Variants in OTOGL observed in about 807,000 individuals in gnomAD.
OTOGL encodes otogelin-like protein.
A neutral mutation model predicts 318.5 loss-of-function variants in OTOGL; 285 were observed. That is an observed-to-expected ratio of 0.89 (90% CI 0.81 to 0.99). The LOEUF is 0.99. Ranked by LOEUF, OTOGL falls within the 50% of genes least tolerant of loss-of-function variation. The probability of loss-of-function intolerance (pLI) is 0.00; values close to 1 mark genes in which losing one functional copy is unlikely to be tolerated. For synonymous variants in OTOGL, 987 were observed against 936.5 expected, an observed-to-expected ratio of 1.05 and a Z score of -0.99; for missense variants, 2,899 against 2,845.6, an observed-to-expected ratio of 1.02 and a Z score of -0.43.
At chr12:80,367,880 A>G (rs1290775053) in intron 54 of OTOGL, 141 bp downstream of exon 54, 1 of 635,704 alleles carries the variant, frequency 1.6e-6, no homozygotes, top group East Asian at 3.1e-5. Context: ...TTTGTAATAT[A>G]TCAATAAAAC....
chr12:80,193,617 C>G (rs1370159709), intron 1 of OTOGL, among the ~76,000 whole-genome samples: 3 of 152,040 alleles, frequency 2.0e-5, no homozygotes, highest in African/African-American at 7.2e-5. Flanking sequence ...GTAACTTATC[C>G]TCATATATGC....
chr12:80,275,285 A>T (rs1367040812), intron 24 of OTOGL, among the ~76,000 whole-genome samples: 1 of 151,966 alleles, frequency 6.6e-6, no homozygotes, highest in Non-Finnish European at 1.5e-5. Flanking sequence ...AGTTTATTCT[A>T]ACCCTCACGG....
intron 26 of OTOGL, among the ~76,000 whole-genome samples, chr12:80,290,147 G>T (rs1010355239): frequency 3.3e-5 from 5 of 152,302 alleles, no homozygotes; most frequent in Middle Eastern, 6.8e-3. Flanking sequence ...GGTTTCCCTG[G>T]TTCCCTGGCC....
chr12:80,354,999 A>T (rs928586727), intron 46 of OTOGL, among the ~76,000 whole-genome samples: 1 of 152,094 alleles, frequency 6.6e-6, no homozygotes, highest in South Asian at 2.1e-4. Flanking sequence ...TGAGGTAGGG[A>T]CTACCTTGTT....
At chr12:80,249,197 G>A (rs1474694390) in intron 11 of OTOGL, among the ~76,000 whole-genome samples, 6 of 148,232 alleles carry the variant, frequency 4.0e-5, no homozygotes, top group South Asian at 2.1e-4. Flanking sequence ...GCTTTGTTCC[G>A]TTGCTGGTGA....
intron 44 of OTOGL, among the ~76,000 whole-genome samples, chr12:80,349,632 G>T (rs954923492): frequency 8.6e-5 from 13 of 151,994 alleles, no homozygotes; most frequent in African/African-American, 2.9e-4. Context: ...GATCGCGGAG[G>T]GTTTAGAATA....
Position 80,228,524 on chromosome 12 carries a change from C to A in OTOGL, c.490-733C>A, listed in dbSNP as rs575715859. 9.9e-5 allele frequency among the ~76,000 whole-genome samples: 15 copies of A among 152,210 alleles called. No homozygotes were observed. In the South Asian group the frequency reaches 3.1e-3, roughly 32 times the overall value. On this transcript the variant is annotated intron_variant, in intron 7 of 58. Coordinates refer to ENST00000547103, the MANE Select transcript of OTOGL (RefSeq NM_001378609.3). ...AAACAAAAAACCCGTATATTATTGA[C>A]AATTTTAAAAGTCACTTTTAGGCTT...
At chr12:80,254,431 T>A in intron 14 of OTOGL, 93 bp from the exon 15 acceptor site, 1 of 797,702 alleles carries the variant, frequency 1.3e-6, no homozygotes, top group Non-Finnish European at 2.0e-6. Flanking sequence ...CCTATAAACA[T>A]GATATATTTT....
rs1884933310 is a variant in OTOGL at position 80,290,070 on chromosome 12, CATGA to C, written c.2929-6756_2929-6753del. On this transcript the variant is annotated intron_variant, in intron 26 of 58. Coordinates refer to ENST00000547103, the MANE Select transcript of OTOGL (RefSeq NM_001378609.3). ...CTCCTGGTTTGTGGGTTGCAAAAAC[CATGA>C]GAAAATCGTAGTATCTGGGCTGGAT... Among the ~76,000 whole-genome samples the C allele has an allele frequency of 2.0e-5, 3 of 152,288 alleles. No homozygotes were observed. The East Asian group carries it at 5.8e-4, about 29-fold the overall frequency.
chr12:80,226,177 A>AACACACACACACACACACAC (rs35975748), intron 7 of OTOGL, among the ~76,000 whole-genome samples: 10 of 132,896 alleles, frequency 7.5e-5, no homozygotes, highest in Admixed American at 1.5e-4. Flanking sequence ...TCCTGCTCCT[A>AACACACACACACACACACAC]ACACACACAC....
chr12:80,152,865 TG>T (rs1393275567), intron 1 of OTOGL, among the ~76,000 whole-genome samples: 2 of 152,094 alleles, frequency 1.3e-5, no homozygotes, highest in African/African-American at 2.4e-5. Flanking sequence ...GGCTAATTTT[TG>T]TATTTTTAGT....
chr12:80,310,808 C>G, intron 30 of OTOGL, 81 bp downstream of exon 30: 1 of 1,098,554 alleles, frequency 9.1e-7, no homozygotes, highest in Middle Eastern at 2.0e-4. Context: ...CGACACGTAA[C>G]TGGGTGATCC....
intron 1 of OTOGL, among the ~76,000 whole-genome samples, chr12:80,167,997 T>C (rs905109571): frequency 1.3e-5 from 2 of 151,922 alleles, no homozygotes; most frequent in Non-Finnish European, 2.9e-5. Flanking sequence ...TCTTCTCTTC[T>C]CTTCTTTTTT....
intron 1 of OTOGL, among the ~76,000 whole-genome samples, chr12:80,167,097 T>A (rs1873877637): frequency 6.6e-6 from 1 of 152,176 alleles, no homozygotes; most frequent in Non-Finnish European, 1.5e-5. Context: ...ATGACTGAGT[T>A]TTTTTGGCAT....
chr12:80,264,794 T>TA (rs1389925961), intron 19 of OTOGL, among the ~76,000 whole-genome samples: 1 of 152,028 alleles, frequency 6.6e-6, no homozygotes, highest in Non-Finnish European at 1.5e-5. Context: ...AATACACTAT[T>TA]TTTTTTCCTA....
intron 43 of OTOGL, among the ~76,000 whole-genome samples, chr12:80,339,735 T>A (rs983420952): frequency 6.6e-6 from 1 of 152,140 alleles, no homozygotes; most frequent in African/African-American, 2.4e-5. Flanking sequence ...CTTGTTTAAG[T>A]CATCTTGAAA....
intron 1 of OTOGL, among the ~76,000 whole-genome samples, chr12:80,148,587 C>G (rs963510117): frequency 2.0e-5 from 3 of 151,922 alleles, no homozygotes; most frequent in East Asian, 1.9e-4. Flanking sequence ...TTTCCTGAAT[C>G]TGAATGTTGG....
chr12:80,209,382 A>G lies in OTOGL; in HGVS notation c.-19-31A>G. On this transcript the variant is annotated intron_variant, in intron 1 of 58. Transcript: ENST00000547103. ...ATGCATACTTCTAAGATGCCATCATAATAAAGACCATCAATTTGGTTACAT... is the reference window on the plus strand; with the variant it reads ...ATGCATACTTCTAAGATGCCATCATGATAAAGACCATCAATTTGGTTACAT... 4 of 1,259,528 alleles carry G rather than the reference A, an allele frequency of 3.2e-6. No homozygotes were observed. The South Asian group carries it at 6.4e-5, about 20-fold the overall frequency. The allele number at this position is 1,259,528 out of a possible 1,614,324, so 78.0% of individuals were successfully genotyped here. A position where few individuals can be genotyped will look rare whatever the true frequency, so the allele number is the denominator to read the frequency against.
At chr12:80,103,689 T>C (rs1269209638) in intron 1 of OTOGL, among the ~76,000 whole-genome samples, 1 of 152,236 alleles carries the variant, frequency 6.6e-6, no homozygotes, top group Non-Finnish European at 1.5e-5. Context: ...ATAGTTGGCA[T>C]TCAATATTTA....
Sources: gnomAD v4.1 joint callset for allele counts (sites outside exome capture counted in the v4.1 genomes callset) on GRCh38, gnomAD v4.1.1 for gene constraint, MANE v1.5 for transcripts, NCBI Gene and HGNC (gene_info 2026-07-23, HGNC 2026-07-21) for gene names.